The following USP47 variants were observed in gnomAD, a reference collection of about 807,000 sequenced individuals.
The protein encoded by USP47 is ubiquitin specific peptidase 47, also known as ubiquitin carboxyl-terminal hydrolase 47.
USP47 carries 35 observed loss-of-function variants against 165.1 expected under a neutral mutation model. The ratio of observed to expected loss-of-function variants is 0.21; its 90% CI spans 0.16 to 0.28. The LOEUF (loss-of-function observed/expected upper bound fraction) is 0.28. USP47 is among the 10% of genes least tolerant of loss of function. USP47 has a pLI of 1.00. For missense variants in USP47, 1,277 were observed against 1,607.4 expected (o/e 0.79, Z 3.52); for synonymous variants, 531 against 544.5 (o/e 0.98, Z 0.35).
intron 14 of USP47, among the ~76,000 whole-genome samples, chr11:11,931,704 A>G (rs1326064514): frequency 6.6e-6 from 1 of 152,146 alleles, no homozygotes; most frequent in Non-Finnish European, 1.5e-5. Flanking sequence ...GTTCTTTCCT[A>G]GAAACAACAG....
chr11:11,888,539 C>A (rs1004432658), intron 3 of USP47, among the ~76,000 whole-genome samples: 1 of 152,048 alleles, frequency 6.6e-6, no homozygotes, highest in Non-Finnish European at 1.5e-5. Flanking sequence ...ATTAAAAATT[C>A]TGAAATTGAG....
intron 10 of USP47, among the ~76,000 whole-genome samples, chr11:11,922,420 A>C (rs546772098): frequency 4.5e-4 from 69 of 152,088 alleles, no homozygotes; most frequent in African/African-American, 1.5e-3. Context: ...TGCTAAAAGA[A>C]ATGATAATTT....
chr11:11,929,936 A>T lies in USP47; in HGVS notation c.1519-108A>T, dbSNP rs1854529853. 4.6e-6 allele frequency: 4 copies of T among 875,540 alleles called. No homozygotes were observed. In the South Asian group the frequency reaches 6.3e-5, roughly 14 times the overall value. The allele number at this position is 875,540 out of a possible 1,614,324, so 54.2% of individuals were successfully genotyped here. A position where few individuals can be genotyped will look rare whatever the true frequency, so the allele number is the denominator to read the frequency against. On this transcript the variant is annotated intron_variant, in intron 12 of 27. Transcript: ENST00000527733. ...ATTGGTAGCTGTGTGAGCAATCATGAAGGTCTTTGATAGCATTTAACTCTG... is the reference window on the plus strand; with the variant it reads ...ATTGGTAGCTGTGTGAGCAATCATGTAGGTCTTTGATAGCATTTAACTCTG...
intron 20 of USP47, among the ~76,000 whole-genome samples, chr11:11,945,754 G>A (rs922078897): frequency 6.6e-6 from 1 of 151,760 alleles, no homozygotes; most frequent in African/African-American, 2.4e-5. Context: ...GAGCAACATA[G>A]TAAGACCCCA....
rs565112330 is a variant in USP47 at position 11,848,754 on chromosome 11, C to T, written c.39+6530C>T. ...CCTCCTGAGTAGCTGAGACTACAGA[C>T]GCGCGCCACCACACCTGGCTAATTT... On this transcript the variant is annotated intron_variant, in intron 1 of 27. Coordinates refer to ENST00000527733, the MANE Select transcript of USP47 (RefSeq NM_001282659.2). 3.3e-4 allele frequency among the ~76,000 whole-genome samples: 50 copies of T among 151,964 alleles called. No homozygotes were observed. In the South Asian group the frequency reaches 9.2e-3, roughly 28 times the overall value.
intron 4 of USP47, among the ~76,000 whole-genome samples, chr11:11,894,702 T>C (rs1339118756): frequency 6.6e-6 from 1 of 152,240 alleles, no homozygotes; most frequent in East Asian, 1.9e-4. Flanking sequence ...GAACTCCTAC[T>C]GTGCTTGTAC....
Position 11,932,992 on chromosome 11 carries a change from T to C in USP47, c.1652-12T>C, listed in dbSNP as rs1277079976. ...CAGTGACACTGTCTTATCCTGTTTT[T>C]ATTACTAATAGAATTTCTAGAAGTG... On this transcript the variant is annotated splice_polypyrimidine_tract_variant and intron_variant, in intron 14 of 27. Transcript: ENST00000527733. 2 of 1,603,836 alleles carry C rather than the reference T, an allele frequency of 1.2e-6. No homozygotes were observed. Among genetic ancestry groups the C allele is most frequent in the Non-Finnish European group, 1.7e-6 (2 of 1,172,594 alleles).
chr11:11,931,199 A>T (rs941409372), intron 14 of USP47, among the ~76,000 whole-genome samples: 1 of 152,154 alleles, frequency 6.6e-6, no homozygotes, highest in Non-Finnish European at 1.5e-5. Flanking sequence ...ATATAATCAC[A>T]ATCTTTGATT....
intron 20 of USP47, among the ~76,000 whole-genome samples, chr11:11,947,549 G>A (rs1855924423): frequency 6.6e-6 from 1 of 152,174 alleles, no homozygotes; most frequent in Non-Finnish European, 1.5e-5. Flanking sequence ...TTTCTAGTGA[G>A]GAAATGGAGG....
chr11:11,892,358 CTTT>C (rs1248756280), intron 4 of USP47, among the ~76,000 whole-genome samples: 1 of 142,584 alleles, frequency 7.0e-6, no homozygotes, highest in Non-Finnish European at 1.5e-5. Context: ...TTAAGGAAGA[CTTT>C]TCTTTTCTTT....
In USP47 at chr11:11,936,408, C is replaced by T. The variant is rs769073716; in HGVS notation, c.1975C>T (p.Pro659Ser). ...ERSYEGEEDT[P>S]MGLLLGGVKS... ...GTCATATGAAGGAGAAGAAGATACA[C>T]CAATGGGGCTTCTACTAGGTGGCGT... The change falls in exon 17 of 28, where the codon CCA (proline) becomes TCA (serine). Residue 659 changes from proline (P) to serine (S), a missense_variant. By Grantham distance (74) the Pro-to-Ser change is moderately conservative. This residue lies in a region of USP47 where 909 missense variants were observed against 1,068.1 expected (regional missense o/e 0.85). Transcript: ENST00000527733. The T allele has an allele frequency of 5.0e-6, 8 of 1,610,222 alleles. No individual in the cohort carries two copies. In the Admixed American group the frequency reaches 1.3e-4, roughly 27 times the overall value.
Position 11,942,812 on chromosome 11 carries a change from G to A in USP47, c.2791G>A (p.Asp931Asn). The A allele has an allele frequency of 6.2e-7, 1 of 1,613,688 alleles. No individual in the cohort carries two copies. Among genetic ancestry groups the A allele is most frequent in the Non-Finnish European group, 8.5e-7 (1 of 1,179,770 alleles). Residue 931 changes from aspartate to asparagine, a missense_variant, in exon 20 of 28, where the codon GAC (aspartate) becomes AAC (asparagine). Physicochemically the swap from Asp to Asn is conservative, Grantham distance 23. This residue lies in a region of USP47 where 909 missense variants were observed against 1,068.1 expected (regional missense o/e 0.85). Coordinates refer to ENST00000527733, the MANE Select transcript of USP47 (RefSeq NM_001282659.2). Reference sequence around the variant, plus strand: ...ACGATCAGACTCAGATGTGAATAATGACAGGAGTACAAGTTCAGTGGACAG... The same window carrying A: ...ACGATCAGACTCAGATGTGAATAATAACAGGAGTACAAGTTCAGTGGACAG... ...EERSDSDVNN[D>N]RSTSSVDSDI...
chr11:11,850,362 A>G (rs757921928), intron 1 of USP47, among the ~76,000 whole-genome samples: 17 of 145,874 alleles, frequency 1.2e-4, no homozygotes, highest in Middle Eastern at 3.5e-3. Flanking sequence ...CAGTTTTTCT[A>G]CTAAGTTCTT....
intron 1 of USP47, among the ~76,000 whole-genome samples, chr11:11,871,574 G>A (rs898940696): frequency 6.8e-6 from 1 of 147,892 alleles, no homozygotes; most frequent in East Asian, 2.0e-4. Context: ...TGAGCTCCAG[G>A]GATTCTTTTC....
chr11:11,869,716 T>C (rs1006327172), intron 1 of USP47, among the ~76,000 whole-genome samples: 12 of 152,214 alleles, frequency 7.9e-5, no homozygotes, highest in African/African-American at 2.9e-4. Context: ...TGTGGAAATT[T>C]AGTTTCTATT....
chr11:11,907,313 A>G (rs2134480933), intron 8 of USP47, among the ~76,000 whole-genome samples: 1 of 152,330 alleles, frequency 6.6e-6, no homozygotes, highest in African/African-American at 2.4e-5. Context: ...GCTATGAAGC[A>G]GTATGTGAGC....
At chr11:11,940,317 TTC>T (rs1855377768) in intron 18 of USP47, 110 bp from the exon 19 acceptor site, 4 of 1,110,974 alleles carry the variant, frequency 3.6e-6, no homozygotes, top group Non-Finnish European at 4.8e-6. Context: ...AAAATTATGT[TTC>T]TCTCTGCTGC....
rs374241185 is a variant in USP47 at position 11,842,147 on chromosome 11, C to G, written c.-39C>G. 43 of 1,550,448 alleles carry G rather than the reference C, an allele frequency of 2.8e-5. No individual in the cohort carries two copies. Among genetic ancestry groups the G allele is most frequent in the Admixed American group, 5.9e-5 (3 of 50,844 alleles). Reference sequence around the variant, plus strand: ...TAGCGAGCCGCCGCCACCCTCCACCCTCCCCCGGCAGGGCGGAGAGGAGCG... The same window carrying G: ...TAGCGAGCCGCCGCCACCCTCCACCGTCCCCCGGCAGGGCGGAGAGGAGCG... On this transcript the variant is annotated 5_prime_UTR_variant, in exon 1 of 28. Transcript: ENST00000527733.
chr11:11,867,355 A>G (rs961178032), intron 1 of USP47, among the ~76,000 whole-genome samples: 1 of 152,088 alleles, frequency 6.6e-6, no homozygotes, highest in Non-Finnish European at 1.5e-5. Flanking sequence ...TCTCTTCAGG[A>G]TAGATATTAG....
Sources: gnomAD v4.1 joint callset for allele counts (sites outside exome capture counted in the v4.1 genomes callset) on GRCh38, gnomAD v4.1.1 for gene constraint, gnomAD v4.1.1 regional missense constraint, MANE v1.5 for transcripts, NCBI Gene and HGNC (gene_info 2026-07-23, HGNC 2026-07-21) for gene names.